Variants in TLL2 observed in about 807,000 individuals in gnomAD.
TLL2 encodes tolloid-like protein 2.
In TLL2, 106 loss-of-function variants were observed where a neutral mutation model predicts 123.0. The observed-to-expected ratio is 0.86, with a 90% CI of 0.74 to 1.01. The LOEUF is 1.01. TLL2 is among the 50% of genes least tolerant of loss of function. TLL2 has a pLI of 0.00. For missense variants in TLL2, 1,332 were observed against 1,336.7 expected, an observed-to-expected ratio of 1.00 and a Z score of 0.06; for synonymous variants, 494 against 516.8, an observed-to-expected ratio of 0.96 and a Z score of 0.60.
At chr10:96,437,351 G>A (rs1404809990) in intron 3 of TLL2, among the ~76,000 whole-genome samples, 3 of 152,118 alleles carry the variant, frequency 2.0e-5, no homozygotes, top group Admixed American at 6.5e-5. Flanking sequence ...ACACAACTAG[G>A]ATATGGGCAT....
At chr10:96,468,265 C>T (rs1847148061) in intron 2 of TLL2, among the ~76,000 whole-genome samples, 1 of 152,204 alleles carries the variant, frequency 6.6e-6, no homozygotes, top group Non-Finnish European at 1.5e-5. Context: ...GAGATCTCTT[C>T]CATTCTCAGA....
intron 13 of TLL2, among the ~76,000 whole-genome samples, chr10:96,388,876 A>C (rs1323751762): frequency 6.6e-6 from 1 of 152,158 alleles, no homozygotes; most frequent in Non-Finnish European, 1.5e-5. Flanking sequence ...ATGGTGATGT[A>C]CTCTTGGGCT....
chr10:96,451,282 A>T (rs1846956407), intron 2 of TLL2, among the ~76,000 whole-genome samples: 2 of 152,228 alleles, frequency 1.3e-5, no homozygotes, highest in South Asian at 4.1e-4. Context: ...TCTTTGGGAA[A>T]GCCCAATTTT....
At chr10:96,430,708 T>A (rs1846729338) in intron 4 of TLL2, among the ~76,000 whole-genome samples, 1 of 152,130 alleles carries the variant, frequency 6.6e-6, no homozygotes, top group Non-Finnish European at 1.5e-5. Flanking sequence ...AAACCCTGTC[T>A]CTACAAACAC....
chr10:96,430,373 G>C (rs186142733), intron 4 of TLL2, among the ~76,000 whole-genome samples: 2 of 152,162 alleles, frequency 1.3e-5, no homozygotes, highest in Admixed American at 1.3e-4. Context: ...GCCTCACCAG[G>C]AGCAGATATG....
At chr10:96,496,770 T>C (rs1028802098) in intron 1 of TLL2, among the ~76,000 whole-genome samples, 11 of 152,244 alleles carry the variant, frequency 7.2e-5, no homozygotes, top group Non-Finnish European at 4.4e-5. Context: ...CGGCCATATC[T>C]GCAAGGCTGT....
At chr10:96,509,903 G>C (rs548552176) in intron 1 of TLL2, among the ~76,000 whole-genome samples, 2 of 152,244 alleles carry the variant, frequency 1.3e-5, no homozygotes, top group Non-Finnish European at 2.9e-5. Context: ...GCCGAGATCA[G>C]GCCACTGCAC....
rs543402194 is a variant in TLL2 at position 96,494,256 on chromosome 10, G to A, written c.176-13797C>T. 2.0e-5 allele frequency among the ~76,000 whole-genome samples: 3 copies of A among 152,356 alleles called. No homozygotes were observed. In the East Asian group the frequency reaches 5.8e-4, roughly 29 times the overall value. Reference sequence around the variant, plus strand: ...AACGGCCCCTGAGTTGGGGTCTGCAGAGCTGGGGAGACTTCGAGCCAGGCA... The same window carrying A: ...AACGGCCCCTGAGTTGGGGTCTGCAAAGCTGGGGAGACTTCGAGCCAGGCA... On this transcript the variant is annotated intron_variant, in intron 1 of 20. Transcript: ENST00000357947.
intron 3 of TLL2, among the ~76,000 whole-genome samples, chr10:96,433,521 G>A (rs139212584): frequency 6.6e-6 from 1 of 152,134 alleles, no homozygotes; most frequent in Non-Finnish European, 1.5e-5. Flanking sequence ...AAGGAGGTTC[G>A]ATGGAAGGTT....
chr10:96,429,006 G>A (rs1364218976), intron 4 of TLL2, among the ~76,000 whole-genome samples: 1 of 152,072 alleles, frequency 6.6e-6, no homozygotes, highest in African/African-American at 2.4e-5. Context: ...GTTTCTCCAT[G>A]TTGGTCAGGC....
intron 16 of TLL2, among the ~76,000 whole-genome samples, chr10:96,381,681 T>C (rs760563215): frequency 5.9e-5 from 9 of 152,208 alleles, no homozygotes; most frequent in Admixed American, 1.3e-4. Flanking sequence ...CACCCCACAG[T>C]GCTCCAGGCT....
intron 15 of TLL2, among the ~76,000 whole-genome samples, chr10:96,385,762 T>G (rs1258128896): frequency 6.6e-6 from 1 of 152,134 alleles, no homozygotes; most frequent in African/African-American, 2.4e-5. Flanking sequence ...CTCCCCAGAC[T>G]CACAGCCCAG....
At chr10:96,400,130 G>T (rs1172620494) in intron 10 of TLL2, among the ~76,000 whole-genome samples, 1 of 151,928 alleles carries the variant, frequency 6.6e-6, no homozygotes, top group Non-Finnish European at 1.5e-5. Context: ...CTTTTTTATT[G>T]ACTATGTCTA....
chr10:96,453,913 T>G (rs1354920889), intron 2 of TLL2, among the ~76,000 whole-genome samples: 1 of 152,198 alleles, frequency 6.6e-6, no homozygotes, highest in Non-Finnish European at 1.5e-5. Flanking sequence ...TTCCAAATTT[T>G]GTTCAACATA....
rs1410228301 is a variant in TLL2, at chr10:96,397,408, C to G, written c.1268-106G>C. 4 of 751,454 alleles carry G rather than the reference C, an allele frequency of 5.3e-6. No individual in the cohort carries two copies. The African/African-American group carries it at 5.3e-5, about 10-fold the overall frequency. 46.5% of individuals were successfully genotyped at this position (751,454 alleles called of 1,614,324 possible). ...TTCTTCACACGTGGTTTGAAGTGAG[C>G]AATAACCCTGGCTGGGACAACTTAT... is the stretch of plus-strand genomic sequence containing the variant. On this transcript the variant is annotated intron_variant, in intron 10 of 20. Transcript: ENST00000357947.
chr10:96,444,316 T>C (rs764654646), intron 3 of TLL2, among the ~76,000 whole-genome samples: 8 of 152,196 alleles, frequency 5.3e-5, no homozygotes, highest in African/African-American at 1.9e-4. Context: ...CGGCAAAAGC[T>C]TGAAGTGAAC....
intron 2 of TLL2, among the ~76,000 whole-genome samples, chr10:96,467,900 C>T (rs771241904): frequency 3.9e-5 from 6 of 152,210 alleles, no homozygotes; most frequent in Admixed American, 2.0e-4. Flanking sequence ...ATATGATACA[C>T]GTGATCCCCA....
intron 10 of TLL2, among the ~76,000 whole-genome samples, chr10:96,403,160 A>G (rs1846411878): frequency 6.6e-6 from 1 of 152,024 alleles, no homozygotes; most frequent in Non-Finnish European, 1.5e-5. Flanking sequence ...CACCAGCTCC[A>G]CCACGGCTGC....
chr10:96,373,469 T>C lies in TLL2; in HGVS notation c.2662+127A>G. 25 of 859,632 alleles carry C rather than the reference T, an allele frequency of 2.9e-5. No individual in the cohort carries two copies. The South Asian group carries it at 4.1e-4, about 14-fold the overall frequency. 53.3% of individuals were successfully genotyped at this position (859,632 alleles called of 1,614,324 possible). A position where few individuals can be genotyped will look rare whatever the true frequency, so the allele number is the denominator to read the frequency against. On this transcript the variant is annotated intron_variant, in intron 19 of 20. Transcript: ENST00000357947. ...TGCTTCATTTTAATAGGACATTTTA[T>C]CACGCACCTTCCTCCCCTCGCCCTC...
Sources: allele counts gnomAD v4.1 joint callset (sites outside exome capture counted in the v4.1 genomes callset), GRCh38; gene constraint gnomAD v4.1.1; transcripts MANE v1.5; gene names NCBI Gene and HGNC (gene_info 2026-07-23, HGNC 2026-07-21).